The following SLC35F3 variants were observed in gnomAD, a reference collection of about 807,000 sequenced individuals.
SLC35F3 encodes the protein putative thiamine transporter SLC35F3.
In SLC35F3, 25 loss-of-function variants were observed where a neutral mutation model predicts 49.9. The ratio of observed to expected loss-of-function variants is 0.50; its 90% CI spans 0.37 to 0.70. SLC35F3 has a LOEUF of 0.70. Ranked by LOEUF, SLC35F3 falls within the 30% of genes least tolerant of loss-of-function variation. SLC35F3 has a pLI of 0.00. For missense variants in SLC35F3, 525 were observed against 639.8 expected, an observed-to-expected ratio of 0.82 and a Z score of 1.94; for synonymous variants, 275 against 265.4, an observed-to-expected ratio of 1.04 and a Z score of -0.35.
intron 2 of SLC35F3, among the ~76,000 whole-genome samples, chr1:234,054,363 C>A (rs1664424870): frequency 6.6e-6 from 1 of 152,142 alleles, no homozygotes; most frequent in Non-Finnish European, 1.5e-5. Context: ...TTTCTCTAAA[C>A]TTCTCTTCTC....
intron 2 of SLC35F3, among the ~76,000 whole-genome samples, chr1:234,120,279 G>C (rs921038452): frequency 3.3e-5 from 5 of 152,240 alleles, no homozygotes; most frequent in African/African-American, 4.8e-5. Flanking sequence ...TAAATGTGAA[G>C]TATCTTCTTA....
At chr1:234,277,043 C>T (rs541988187) in intron 3 of SLC35F3, among the ~76,000 whole-genome samples, 1 of 152,302 alleles carries the variant, frequency 6.6e-6, no homozygotes, top group South Asian at 2.1e-4. Context: ...CTTAAAATAG[C>T]AGTTTCTCAA....
chr1:234,140,002 A>AATAAAATAAAAAAAAT, intron 2 of SLC35F3, among the ~76,000 whole-genome samples: 4 of 105,362 alleles, frequency 3.8e-5, no homozygotes, highest in Admixed American at 9.0e-5. Flanking sequence ...AATAAAATAA[A>AATAAAATAAAAAAAAT]GTAAGTGACT....
At chr1:234,168,496 G>A (rs929896635) in intron 2 of SLC35F3, among the ~76,000 whole-genome samples, 1 of 152,224 alleles carries the variant, frequency 6.6e-6, no homozygotes, top group Admixed American at 6.5e-5. Context: ...TTGCTATTCT[G>A]GCCATCATGC....
chr1:234,005,136 C>T (rs796813319), intron 2 of SLC35F3, among the ~76,000 whole-genome samples: 4 of 152,134 alleles, frequency 2.6e-5, no homozygotes, highest in African/African-American at 9.6e-5. Flanking sequence ...TGGATTGGAA[C>T]CACAAGAGGT....
At chr1:234,222,108 G>A (rs1294019687) in intron 2 of SLC35F3, among the ~76,000 whole-genome samples, 1 of 152,198 alleles carries the variant, frequency 6.6e-6, no homozygotes, top group East Asian at 1.9e-4. Flanking sequence ...CTAGCTACAT[G>A]AGTACAACTT....
At chr1:234,170,319 A>C (rs549573359) in intron 2 of SLC35F3, among the ~76,000 whole-genome samples, 1 of 152,282 alleles carries the variant, frequency 6.6e-6, no homozygotes, top group East Asian at 1.9e-4. Context: ...CTCGTATGGA[A>C]AGGAGCTTGA....
chr1:233,953,990 G>A (rs1434607289), intron 2 of SLC35F3, among the ~76,000 whole-genome samples: 3 of 151,918 alleles, frequency 2.0e-5, no homozygotes, highest in Admixed American at 2.0e-4. Context: ...TCTGAACAGA[G>A]GTCCAAAACT....
At position 234,186,776 on chromosome 1, in the gene SLC35F3, C is replaced by T. The variant is rs113319990; in HGVS notation, c.284-44641C>T. Reference sequence around the variant, plus strand: ...TCCCATGTACATTAGCTCCTTTAAACCTCACAGCAACCTGCAGGGTAGGTA... The same window carrying T: ...TCCCATGTACATTAGCTCCTTTAAATCTCACAGCAACCTGCAGGGTAGGTA... On this transcript the variant is annotated intron_variant, in intron 2 of 7. Transcript: ENST00000366618. 6.4e-3 allele frequency among the ~76,000 whole-genome samples: 980 copies of T among 152,230 alleles called. 11 individuals are homozygous for T. The highest frequency in any genetic ancestry group is 0.023 in the African/African-American group (937 of 41,526).
intron 3 of SLC35F3, among the ~76,000 whole-genome samples, chr1:234,264,123 A>C (rs990185662): frequency 6.6e-6 from 1 of 152,308 alleles, no homozygotes; most frequent in African/African-American, 2.4e-5. Context: ...ACAACAACAA[A>C]AAATGCCATA....
rs1235333808 is a variant in SLC35F3 at position 233,957,193 on chromosome 1, A to C, written c.283+51435A>C. 2.6e-5 allele frequency among the ~76,000 whole-genome samples: 4 copies of C among 152,224 alleles called. No homozygotes were observed. Among genetic ancestry groups the C allele is most frequent in the Non-Finnish European group, 5.9e-5 (4 of 68,032 alleles). On this transcript the variant is annotated intron_variant, in intron 2 of 7. Transcript: ENST00000366618. This position sits in a 1 kb window ranked among gnomAD's most constrained non-coding sequence, Gnocchi z 4.0. ...AGACCTGGATCACAGTCTAGTTTCC[A>C]GAGTGGGAGGAGATTGTTTTATGTC...
intron 2 of SLC35F3, among the ~76,000 whole-genome samples, chr1:233,951,095 G>A (rs1370518274): frequency 1.3e-5 from 2 of 151,534 alleles, no homozygotes; most frequent in African/African-American, 2.4e-5. Flanking sequence ...TATAATATAT[G>A]ATAACACGTC....
At chr1:234,118,580 T>C (rs1572058855) in intron 2 of SLC35F3, among the ~76,000 whole-genome samples, 1 of 152,194 alleles carries the variant, frequency 6.6e-6, no homozygotes, top group East Asian at 1.9e-4. Context: ...AGTGACCAGA[T>C]ATGGCTTACA....
intron 2 of SLC35F3, among the ~76,000 whole-genome samples, chr1:234,169,455 A>G (rs753486835): frequency 2.6e-5 from 4 of 152,194 alleles, no homozygotes; most frequent in Admixed American, 1.3e-4. Flanking sequence ...GTGGGCTCCC[A>G]GGCTCTAACA....
At chr1:233,953,559 G>A (rs1436468097) in intron 2 of SLC35F3, among the ~76,000 whole-genome samples, 1 of 152,172 alleles carries the variant, frequency 6.6e-6, no homozygotes, top group South Asian at 2.1e-4. Context: ...TCAACTCTCC[G>A]TCATAGCTCT....
intron 2 of SLC35F3, among the ~76,000 whole-genome samples, chr1:234,130,951 T>G (rs1045935813): frequency 1.3e-5 from 2 of 151,940 alleles, no homozygotes; most frequent in Non-Finnish European, 2.9e-5. Flanking sequence ...AAAATTTATA[T>G]ATTCAGACAC....
chr1:233,951,845 T>C (rs1253816358), intron 2 of SLC35F3, among the ~76,000 whole-genome samples: 1 of 152,118 alleles, frequency 6.6e-6, no homozygotes, highest in African/African-American at 2.4e-5. Context: ...GTGCTGAGAT[T>C]ATAGGCATGA....
At chr1:234,091,716 A>C (rs1205872403) in intron 2 of SLC35F3, among the ~76,000 whole-genome samples, 1 of 152,232 alleles carries the variant, frequency 6.6e-6, no homozygotes, top group African/African-American at 2.4e-5. Context: ...TATTTAAATG[A>C]GCCTCTTCCC....
intron 3 of SLC35F3, among the ~76,000 whole-genome samples, chr1:234,281,214 C>A (rs1350457354): frequency 6.6e-6 from 1 of 152,096 alleles, no homozygotes; most frequent in Non-Finnish European, 1.5e-5. Flanking sequence ...TCCAGTCTGA[C>A]AGGTGTGCCT....
Sources: allele counts gnomAD v4.1 joint callset (sites outside exome capture counted in the v4.1 genomes callset), GRCh38; gene constraint gnomAD v4.1.1; non-coding constraint Gnocchi (gnomAD v3.1); transcripts MANE v1.5; gene names NCBI Gene and HGNC (gene_info 2026-07-23, HGNC 2026-07-21).